The following COL24A1 variants were observed in gnomAD, a reference collection of about 807,000 sequenced individuals.
The protein encoded by COL24A1 is collagen alpha-1(XXIV) chain.
In COL24A1, 224 loss-of-function variants were observed where a neutral mutation model predicts 253.9. That is an observed-to-expected ratio of 0.88 (90% CI 0.79 to 0.99). The LOEUF is 0.99. Ranked by LOEUF, COL24A1 falls within the 50% of genes least tolerant of loss-of-function variation. The probability of loss-of-function intolerance (pLI) is 0.00; values close to 1 mark genes in which losing one functional copy is unlikely to be tolerated. For missense variants in COL24A1, 2,131 were observed against 2,068.5 expected (o/e 1.03, Z -0.59); for synonymous variants, 685 against 673.7 (o/e 1.02, Z -0.26).
chr1:85,896,157 AAGAC>A (rs1683682654), intron 29 of COL24A1, 92 bp from the exon 30 acceptor site: 1 of 1,345,582 alleles, frequency 7.4e-7, no homozygotes, highest in Non-Finnish European at 1.0e-6. Context: ...ACATACAAAA[AAGAC>A]AGTAAGTATA....
chr1:85,953,088 T>C (rs558553253), intron 24 of COL24A1, among the ~76,000 whole-genome samples: 1 of 152,294 alleles, frequency 6.6e-6, no homozygotes, highest in African/African-American at 2.4e-5. Context: ...CTCCATTTGA[T>C]ATATCCTGAC....
chr1:85,736,009 C>A, intron 58 of COL24A1: 1 of 205,522 alleles, frequency 4.9e-6, no homozygotes, highest in Non-Finnish European at 1.0e-5. Context: ...TCAATTCCTT[C>A]ATTTTACAGA....
In COL24A1 at chr1:86,022,610, T is replaced by C; in HGVS notation, c.2149-19A>G. 2 of 1,608,016 alleles carry C rather than the reference T, an allele frequency of 1.2e-6. No individual in the cohort carries two copies. Among genetic ancestry groups the C allele is most frequent in the Non-Finnish European group, 1.7e-6 (2 of 1,177,324 alleles). Reference sequence around the variant, plus strand: ...GTTCACCCTGGAAAGCACAATTTCATGCAAAGATACTTATGTATCACAAAC... The same window carrying C: ...GTTCACCCTGGAAAGCACAATTTCACGCAAAGATACTTATGTATCACAAAC... On this transcript the variant is annotated intron_variant, in intron 16 of 59. Transcript: ENST00000370571.
chr1:85,951,407 G>A lies in COL24A1; in HGVS notation c.2562+9842C>T, dbSNP rs12073701. ...AGGTAATTTAAGATGGATCTTGAAA[G>A]TTGATGCTTGGTGGACAATGAGGGT... On this transcript the variant is annotated intron_variant, in intron 24 of 59. Transcript: ENST00000370571. Among the ~76,000 whole-genome samples the A allele has an allele frequency of 7.2e-3, 1,094 of 152,236 alleles. 10 individuals carry two copies. The highest frequency in any genetic ancestry group is 0.024 in the African/African-American group (993 of 41,548).
At position 85,818,086 on chromosome 1, in the gene COL24A1, C is replaced by A. The variant is rs1673233570; in HGVS notation, c.3791G>T (p.Gly1264Val). The change falls in exon 46 of 60, where the codon GGT becomes GTT. Residue 1264 changes from glycine (G) to valine (V), a missense_variant and splice_region_variant. Coordinates refer to ENST00000370571, the MANE Select transcript of COL24A1 (RefSeq NM_152890.7). Reference protein sequence around the residue: ...QGLKGERGSEGNKGKKGAPGP... With the variant: ...QGLKGERGSEVNKGKKGAPGP... ...AGGAGCTCCTTTTTTCCCCTTATTA[C>A]CCTAAAGATGGAAAGCACAGTTGTC... is the stretch of plus-strand genomic sequence containing the variant. 1.2e-6 allele frequency: 2 copies of A among 1,613,130 alleles called. No individual in the cohort carries two copies. The highest frequency in any genetic ancestry group is 1.7e-6 in the Non-Finnish European group (2 of 1,179,152).
intron 57 of COL24A1, among the ~76,000 whole-genome samples, chr1:85,743,458 T>C (rs528410923): frequency 5.3e-4 from 81 of 152,296 alleles, no homozygotes; most frequent in Middle Eastern, 6.8e-3. Flanking sequence ...TTAAAAATTG[T>C]ATCTTGTGCT....
At chr1:86,087,561 C>T (rs936115195) in intron 7 of COL24A1, among the ~76,000 whole-genome samples, 2 of 152,086 alleles carry the variant, frequency 1.3e-5, no homozygotes, top group South Asian at 2.1e-4. Context: ...TTTCATGAAC[C>T]ACAGATATCA....
intron 14 of COL24A1, among the ~76,000 whole-genome samples, chr1:86,025,586 C>G (rs1263596789): frequency 1.3e-5 from 2 of 152,180 alleles, no homozygotes; most frequent in African/African-American, 4.8e-5. Flanking sequence ...GCAATAGCAT[C>G]TCTTATCAGA....
chr1:86,047,891 C>T (rs1487626706), intron 11 of COL24A1, among the ~76,000 whole-genome samples: 1 of 152,024 alleles, frequency 6.6e-6, no homozygotes, highest in Non-Finnish European at 1.5e-5. Flanking sequence ...AACCATGTAG[C>T]TTGAGATTAA....
At chr1:85,805,295 A>C (rs866118087) in intron 47 of COL24A1, among the ~76,000 whole-genome samples, 16 of 152,242 alleles carry the variant, frequency 1.1e-4, no homozygotes, top group African/African-American at 3.6e-4. Context: ...TGGAAAGAAA[A>C]ATAAATGAAT....
At chr1:85,991,297 T>C (rs185978937) in intron 19 of COL24A1, among the ~76,000 whole-genome samples, 3 of 152,200 alleles carry the variant, frequency 2.0e-5, no homozygotes, top group Admixed American at 2.0e-4. Flanking sequence ...ACAACTAAAT[T>C]TTAAGGGGGA....
chr1:85,936,073 G>T (rs1688223796), intron 24 of COL24A1, among the ~76,000 whole-genome samples: 1 of 146,776 alleles, frequency 6.8e-6, no homozygotes, highest in African/African-American at 2.5e-5. Flanking sequence ...GTAAAAGCCA[G>T]GATTTAAAAT....
intron 29 of COL24A1, 134 bp downstream of exon 29, chr1:85,896,222 T>C: frequency 8.6e-7 from 1 of 1,168,440 alleles, no homozygotes; most frequent in Non-Finnish European, 1.2e-6. Context: ...AAAAACTTTA[T>C]GCGTTTCATA....
rs1415078302 is a variant in COL24A1 at position 85,774,644 on chromosome 1, C to T, written c.4374+1030G>A. On this transcript the variant is annotated intron_variant, in intron 53 of 59. Coordinates refer to ENST00000370571, the MANE Select transcript of COL24A1 (RefSeq NM_152890.7). ...AATTTATCCATTTCTTTTAGATTTT[C>T]TAGTTTATTTGCATAGAGGTGCTTA... Among the ~76,000 whole-genome samples the T allele has an allele frequency of 3.3e-5, 5 of 152,262 alleles. No homozygotes were observed. In the South Asian group the frequency reaches 6.2e-4, roughly 19 times the overall value.
chr1:85,935,767 A>G (rs1467785100), intron 24 of COL24A1, among the ~76,000 whole-genome samples: 1 of 147,240 alleles, frequency 6.8e-6, no homozygotes, highest in Non-Finnish European at 1.5e-5. Flanking sequence ...TGTATCCCTT[A>G]TGCCTACTGC....
intron 19 of COL24A1, among the ~76,000 whole-genome samples, chr1:86,002,719 T>C (rs763480944): frequency 9.2e-5 from 14 of 152,154 alleles, no homozygotes; most frequent in Non-Finnish European, 1.8e-4. Context: ...TGGTAGGATA[T>C]ACACCCTTCA....
intron 20 of COL24A1, among the ~76,000 whole-genome samples, chr1:85,972,362 C>G (rs753427537): frequency 6.6e-6 from 1 of 151,520 alleles, no homozygotes; most frequent in African/African-American, 2.4e-5. Context: ...TTGCTCTATA[C>G]TTTCTATACT....
At chr1:85,840,646 C>A (rs540402985) in intron 42 of COL24A1, among the ~76,000 whole-genome samples, 3 of 151,946 alleles carry the variant, frequency 2.0e-5, no homozygotes, top group Non-Finnish European at 4.4e-5. Context: ...TTGTTTTAGT[C>A]AAACATGAAC....
At chr1:85,972,498 G>A (rs1390803698) in intron 20 of COL24A1, among the ~76,000 whole-genome samples, 1 of 152,118 alleles carries the variant, frequency 6.6e-6, no homozygotes, top group Non-Finnish European at 1.5e-5. Flanking sequence ...TTTTAATGAA[G>A]CTTTCTTATT....
Sources: gnomAD v4.1 joint callset for allele counts (sites outside exome capture counted in the v4.1 genomes callset) on GRCh38, gnomAD v4.1.1 for gene constraint, MANE v1.5 for transcripts, NCBI Gene and HGNC (gene_info 2026-07-23, HGNC 2026-07-21) for gene names.